Variants in LBH observed in about 807,000 individuals in gnomAD.
LBH encodes LBH regulator of Wnt signaling pathway, also known as protein LBH.
LBH carries 7 observed loss-of-function variants against 12.5 expected under a neutral mutation model. That is an observed-to-expected ratio of 0.56 (90% CI 0.32 to 1.05). The LOEUF is 1.05. Among genes scored for constraint, LBH ranks in the 50% least tolerant of loss-of-function variants. The probability of loss-of-function intolerance (pLI) is 0.04; values close to 1 mark genes in which losing one functional copy is unlikely to be tolerated. For synonymous variants in LBH, 51 were observed against 50.1 expected (o/e 1.02, Z -0.08); for missense variants, 119 against 138.9 (o/e 0.86, Z 0.72).
At chr2:30,249,488 C>G (rs1677935411) in intron 2 of LBH, among the ~76,000 whole-genome samples, 1 of 152,072 alleles carries the variant, frequency 6.6e-6, no homozygotes, top group Admixed American at 6.6e-5. Context: ...GAGGGGCAGG[C>G]CCCTGGAGTA....
At chr2:30,251,224 T>C (rs1426308910) in intron 2 of LBH, among the ~76,000 whole-genome samples, 1 of 151,690 alleles carries the variant, frequency 6.6e-6, no homozygotes, top group East Asian at 2.0e-4. Flanking sequence ...CCTGGCCAAT[T>C]TTAGCCACCT....
intron 2 of LBH, among the ~76,000 whole-genome samples, chr2:30,243,255 A>G (rs1039041623): frequency 1.3e-5 from 2 of 152,222 alleles, no homozygotes; most frequent in African/African-American, 2.4e-5. Flanking sequence ...CTTGTCCCCT[A>G]GTAGGTACAC....
intron 2 of LBH, among the ~76,000 whole-genome samples, chr2:30,247,179 A>T (rs1161951062): frequency 6.6e-6 from 1 of 152,084 alleles, no homozygotes; most frequent in Non-Finnish European, 1.5e-5. Context: ...CTTATCAATG[A>T]CCTTTTTGTA....
chr2:30,253,988 G>A (rs1678033435), intron 2 of LBH, among the ~76,000 whole-genome samples: 1 of 152,162 alleles, frequency 6.6e-6, no homozygotes, highest in African/African-American at 2.4e-5. Context: ...CTACAGGTCT[G>A]AGTTTGGATC....
intron 2 of LBH, among the ~76,000 whole-genome samples, chr2:30,243,749 G>A (rs535299543): frequency 3.4e-4 from 51 of 151,808 alleles, no homozygotes; most frequent in African/African-American, 1.2e-3. Context: ...GGCTGTTCTC[G>A]AACTCCTGAC....
At chr2:30,252,913 T>A (rs1250040313) in intron 2 of LBH, among the ~76,000 whole-genome samples, 3 of 152,212 alleles carry the variant, frequency 2.0e-5, no homozygotes, top group Non-Finnish European at 4.4e-5. Context: ...GAGAAATGCC[T>A]CTGAGAGCTG....
At chr2:30,252,371 C>T (rs1677995543) in intron 2 of LBH, among the ~76,000 whole-genome samples, 2 of 152,172 alleles carry the variant, frequency 1.3e-5, no homozygotes, top group Non-Finnish European at 1.5e-5. Context: ...AATTAAACCT[C>T]TTTCCTTTAG....
chr2:30,246,427 T>C (rs1199396075), intron 2 of LBH, among the ~76,000 whole-genome samples: 1 of 152,358 alleles, frequency 6.6e-6, no homozygotes, highest in Non-Finnish European at 1.5e-5. Context: ...TTTCAGAAAT[T>C]AGAACAATTT....
chr2:30,248,890 A>G (rs1335631708), intron 2 of LBH, among the ~76,000 whole-genome samples: 1 of 152,188 alleles, frequency 6.6e-6, no homozygotes, highest in Non-Finnish European at 1.5e-5. Flanking sequence ...TTTTCTTTTA[A>G]GTTTCAAGGC....
chr2:30,255,020 G>T (rs974214858), intron 2 of LBH, among the ~76,000 whole-genome samples: 27 of 152,354 alleles, frequency 1.8e-4, no homozygotes, highest in Middle Eastern at 3.4e-3. Context: ...TTTCCAGAAG[G>T]CTCAGGCACT....
In LBH at chr2:30,234,501, C is replaced by G; in HGVS notation, c.123C>G (p.Ser41=). 1 of 1,612,170 alleles carries G rather than the reference C, an allele frequency of 6.2e-7. No homozygotes were observed. Among genetic ancestry groups the G allele is most frequent in the Non-Finnish European group, 8.5e-7 (1 of 1,178,176 alleles). ...IGLSPRKDGL[S]YQIFPDPSDF... ...TCAGCCCCCGCAAGGATGGCCTTTCCTACCAGGTGAGTAAGTCCTGGCTCC... is the reference window on the plus strand; with the variant it reads ...TCAGCCCCCGCAAGGATGGCCTTTCGTACCAGGTGAGTAAGTCCTGGCTCC... The change falls in exon 2 of 3, where the codon TCC becomes TCG. Residue 41 remains serine, a synonymous_variant. Coordinates refer to ENST00000395323, the MANE Select transcript of LBH (RefSeq NM_030915.4).
intron 2 of LBH, among the ~76,000 whole-genome samples, chr2:30,245,167 G>A (rs1296487843): frequency 2.6e-5 from 4 of 152,130 alleles, no homozygotes; most frequent in Admixed American, 2.6e-4. Flanking sequence ...AAAAAATTCT[G>A]TGGAGAAGTA....
chr2:30,238,959 T>C (rs1677737899), intron 2 of LBH, among the ~76,000 whole-genome samples: 1 of 150,238 alleles, frequency 6.7e-6, no homozygotes, highest in African/African-American at 2.5e-5. Flanking sequence ...GCGCGATCTC[T>C]TCTCACTGCA....
intron 2 of LBH, among the ~76,000 whole-genome samples, chr2:30,249,702 T>C (rs1677945150): frequency 6.6e-6 from 1 of 152,222 alleles, no homozygotes; most frequent in Non-Finnish European, 1.5e-5. Flanking sequence ...TGCTGCGTAT[T>C]TGCTCCTGTC....
intron 1 of LBH, chr2:30,232,210 C>T: frequency 6.7e-7 from 1 of 1,501,564 alleles, no homozygotes; most frequent in Admixed American, 2.2e-5. Context: ...TGAGCTGGTG[C>T]GGCCGCAGGG....
At chr2:30,231,887 G>T in intron 1 of LBH, 123 bp downstream of exon 1, 1 of 655,162 alleles carries the variant, frequency 1.5e-6, no homozygotes, top group South Asian at 4.0e-5. Flanking sequence ...GCGCTAACCC[G>T]CCGCCCGAGC....
intron 2 of LBH, chr2:30,256,507 A>G (rs1429286653): frequency 4.6e-5 from 7 of 152,048 alleles, no homozygotes; most frequent in Non-Finnish European, 1.0e-4. Context: ...GGAATCGAAC[A>G]TATCCAGTTT....
chr2:30,255,930 G>T (rs1200868947), intron 2 of LBH, among the ~76,000 whole-genome samples: 1 of 152,162 alleles, frequency 6.6e-6, no homozygotes, highest in Non-Finnish European at 1.5e-5. Context: ...GTGACCTTAG[G>T]CAGGTCTCCT....
intron 2 of LBH, among the ~76,000 whole-genome samples, chr2:30,243,458 G>T (rs1175322773): frequency 6.6e-6 from 1 of 151,040 alleles, no homozygotes; most frequent in African/African-American, 2.4e-5. Context: ...TGGGGTTCCA[G>T]ATCTGGCTCA....
Sources: allele counts gnomAD v4.1 joint callset (sites outside exome capture counted in the v4.1 genomes callset), GRCh38; gene constraint gnomAD v4.1.1; transcripts MANE v1.5; gene names NCBI Gene and HGNC (gene_info 2026-07-23, HGNC 2026-07-21).